MDGA2: variants seen among roughly 807,000 people sequenced by gnomAD.
The protein encoded by MDGA2 is MAM domain containing glycosylphosphatidylinositol anchor 2.
A neutral mutation model predicts 117.8 loss-of-function variants in MDGA2; 40 were observed. The ratio of observed to expected loss-of-function variants is 0.34; its 90% CI spans 0.26 to 0.44. The LOEUF is 0.44. Among genes scored for constraint, MDGA2 ranks in the 20% least tolerant of loss-of-function variants. The pLI, the probability that MDGA2 is intolerant of heterozygous loss-of-function variation, is 1.00. For missense variants in MDGA2, 1,123 were observed against 1,250.6 expected, an observed-to-expected ratio of 0.90 and a Z score of 1.54; for synonymous variants, 452 against 439.0, an observed-to-expected ratio of 1.03 and a Z score of -0.37.
At chr14:47,515,839 G>A (rs1399101903) in intron 1 of MDGA2, among the ~76,000 whole-genome samples, 1 of 152,146 alleles carries the variant, frequency 6.6e-6, no homozygotes, top group African/African-American at 2.4e-5. Flanking sequence ...CAAATTCACT[G>A]AGTTTTCTGC....
At chr14:47,454,139 G>A (rs1893297379) in intron 1 of MDGA2, among the ~76,000 whole-genome samples, 1 of 152,236 alleles carries the variant, frequency 6.6e-6, no homozygotes, top group East Asian at 1.9e-4. Flanking sequence ...CTTAATAAAT[G>A]TAGCCTCTTT....
Position 47,035,257 on chromosome 14 carries a change from T to C in MDGA2, c.1573A>G (p.Arg525Gly), listed in dbSNP as rs1322485768. The change falls in exon 8 of 17, where the codon AGA (arginine) becomes GGA (glycine). Residue 525 changes from arginine to glycine, a missense_variant. By Grantham distance (125) the Arg-to-Gly change is moderately radical. Transcript: ENST00000399232. ...TGCAGTTCTATTGTGTCTCCTTCTCTGGTGACCAATGGTGATTTTTCCTGT... is the reference window on the plus strand; with the variant it reads ...TGCAGTTCTATTGTGTCTCCTTCTCCGGTGACCAATGGTGATTTTTCCTGT... Reference protein sequence around the residue: ...VPQEKSPLVTREGDTIELQCQ... With the variant: ...VPQEKSPLVTGEGDTIELQCQ... The C allele has an allele frequency of 1.9e-6, 3 of 1,614,076 alleles. No individual in the cohort carries two copies. The highest frequency in any genetic ancestry group is 2.5e-6 in the Non-Finnish European group (3 of 1,179,956).
chr14:46,986,002 A>C (rs758500073), intron 8 of MDGA2, among the ~76,000 whole-genome samples: 14 of 151,972 alleles, frequency 9.2e-5, no homozygotes, highest in Non-Finnish European at 1.9e-4. Flanking sequence ...TGATTCAGCA[A>C]GAGGCAAACA....
At chr14:46,862,979 A>T (rs1881572950) in intron 14 of MDGA2, among the ~76,000 whole-genome samples, 1 of 152,096 alleles carries the variant, frequency 6.6e-6, no homozygotes, top group African/African-American at 2.4e-5. Flanking sequence ...GAATTTGTAC[A>T]TTAGAGTCCA....
chr14:46,878,791 A>T (rs1882332476), intron 11 of MDGA2, among the ~76,000 whole-genome samples: 1 of 152,046 alleles, frequency 6.6e-6, no homozygotes, highest in Non-Finnish European at 1.5e-5. Flanking sequence ...AAATTCTTAA[A>T]AAATTATGTG....
chr14:47,144,989 T>G (rs148349735), intron 3 of MDGA2, among the ~76,000 whole-genome samples: 2,635 of 151,726 alleles, frequency 0.017, 32 homozygotes, highest in Middle Eastern at 0.038. Context: ...TATTTATAAC[T>G]TATATATTAA....
intron 1 of MDGA2, among the ~76,000 whole-genome samples, chr14:47,356,076 C>A (rs1336552212): frequency 6.6e-6 from 1 of 152,156 alleles, no homozygotes; most frequent in Non-Finnish European, 1.5e-5. Context: ...TGGCCAAATG[C>A]TTCTAGGTAT....
At chr14:47,076,246 G>A (rs1256147890) in intron 6 of MDGA2, among the ~76,000 whole-genome samples, 1 of 151,660 alleles carries the variant, frequency 6.6e-6, no homozygotes, top group Non-Finnish European at 1.5e-5. Context: ...CAAAAAACAT[G>A]CAGAGGAAAA....
At chr14:47,024,412 G>C (rs962816635) in intron 8 of MDGA2, among the ~76,000 whole-genome samples, 2 of 152,266 alleles carry the variant, frequency 1.3e-5, no homozygotes, top group Admixed American at 6.5e-5. Flanking sequence ...GAATACTCAA[G>C]AAACATCTGA....
At chr14:47,399,690 C>T (rs1892092345) in intron 1 of MDGA2, among the ~76,000 whole-genome samples, 1 of 151,876 alleles carries the variant, frequency 6.6e-6, no homozygotes, top group Admixed American at 6.6e-5. Context: ...ACTGAATGCT[C>T]AATAATTGAT....
chr14:47,095,545 T>A (rs367607271), intron 6 of MDGA2, among the ~76,000 whole-genome samples: 2 of 151,986 alleles, frequency 1.3e-5, no homozygotes, highest in East Asian at 3.9e-4. Context: ...TTTTCAATAA[T>A]CTTCTATCTC....
intron 1 of MDGA2, among the ~76,000 whole-genome samples, chr14:47,366,374 A>C (rs1176852105): frequency 6.6e-6 from 1 of 151,998 alleles, no homozygotes; most frequent in Non-Finnish European, 1.5e-5. Context: ...AAAAAATACA[A>C]GGAAAAGGGG....
intron 5 of MDGA2, among the ~76,000 whole-genome samples, chr14:47,102,376 CACACACACACACACACAA>C (rs1474390163): frequency 6.7e-6 from 1 of 149,088 alleles, no homozygotes; most frequent in East Asian, 2.0e-4. Flanking sequence ...AACACACACA[CACACACACACACACACAA>C]ACACACACAC....
intron 5 of MDGA2, among the ~76,000 whole-genome samples, chr14:47,107,765 C>T (rs1384159736): frequency 3.3e-5 from 5 of 150,900 alleles, no homozygotes; most frequent in Non-Finnish European, 5.9e-5. Flanking sequence ...CAGGACCACA[C>T]CCTGTAGCCT....
At chr14:47,531,689 T>C (rs1260530011) in intron 1 of MDGA2, among the ~76,000 whole-genome samples, 3 of 152,196 alleles carry the variant, frequency 2.0e-5, no homozygotes, top group Non-Finnish European at 4.4e-5. Flanking sequence ...GGGGAGACTC[T>C]TCCTTAAACC....
rs547746523 is a variant in MDGA2 at position 47,281,294 on chromosome 14, C to T, written c.420+20117G>A. 2.0e-5 allele frequency among the ~76,000 whole-genome samples: 3 copies of T among 151,816 alleles called. No individual in the cohort carries two copies. In the East Asian group the frequency reaches 5.8e-4, roughly 29 times the overall value. On this transcript the variant is annotated intron_variant, in intron 2 of 16. Transcript: ENST00000399232. ...TTAATCTATAAAATTCACCCCTCTC[C>T]CCCCATCCCATGTCAGCTATTAGGT...
chr14:47,080,478 C>T (rs1890669017), intron 6 of MDGA2, among the ~76,000 whole-genome samples: 3 of 151,300 alleles, frequency 2.0e-5, no homozygotes, highest in Non-Finnish European at 1.5e-5. Flanking sequence ...ATATTAAGAA[C>T]ATGGCCACTT....
intron 3 of MDGA2, among the ~76,000 whole-genome samples, chr14:47,145,333 T>C (rs1055462343): frequency 6.6e-6 from 1 of 152,098 alleles, no homozygotes; most frequent in African/African-American, 2.4e-5. Context: ...CAAAACACAA[T>C]AGGTAAATTA....
intron 9 of MDGA2, among the ~76,000 whole-genome samples, chr14:46,930,030 C>T (rs998117529): frequency 6.6e-6 from 1 of 151,602 alleles, no homozygotes; most frequent in Non-Finnish European, 1.5e-5. Context: ...TTATTATTTT[C>T]GGAATTGACC....
Sources: allele counts gnomAD v4.1 joint callset (sites outside exome capture counted in the v4.1 genomes callset), GRCh38; gene constraint gnomAD v4.1.1; transcripts MANE v1.5; gene names NCBI Gene and HGNC (gene_info 2026-07-23, HGNC 2026-07-21).